The following TRAPPC9 variants were observed in gnomAD, a reference collection of about 807,000 sequenced individuals.
The protein encoded by TRAPPC9 is trafficking protein particle complex subunit 9.
TRAPPC9 carries 83 observed loss-of-function variants against 124.0 expected under a neutral mutation model. The ratio of observed to expected loss-of-function variants is 0.67; its 90% CI spans 0.56 to 0.80. The LOEUF (loss-of-function observed/expected upper bound fraction) is 0.80. Ranked by LOEUF, TRAPPC9 falls within the 30% of genes least tolerant of loss-of-function variation. TRAPPC9 has a pLI of 0.00. For synonymous variants in TRAPPC9, 638 were observed against 617.5 expected (o/e 1.03, Z -0.49); for missense variants, 1,302 against 1,508.3 (o/e 0.86, Z 2.27).
In TRAPPC9 at chr8:140,216,854, G is replaced by A. The variant is rs1162090069; in HGVS notation, c.2556+4605C>T. On this transcript the variant is annotated intron_variant, in intron 17 of 22. Coordinates refer to ENST00000438773, the MANE Select transcript of TRAPPC9 (RefSeq NM_001160372.4). The surrounding 1 kb of genome is among the most constrained non-coding windows in gnomAD (Gnocchi z 4.1). The stretch of plus-strand genomic sequence containing the variant: ...GCAGCCATAGCAACGAGGATCACCT[G>A]TATTCTAACCACTTTTTCTTGTTTT... Among the ~76,000 whole-genome samples the A allele has an allele frequency of 6.6e-6, 1 of 152,180 alleles. No homozygotes were observed. Among genetic ancestry groups the A allele is most frequent in the Admixed American group, 6.5e-5 (1 of 15,280 alleles).
intron 4 of TRAPPC9, 90 bp downstream of exon 4, chr8:140,435,022 T>A: frequency 6.3e-7 from 1 of 1,582,490 alleles, no homozygotes; most frequent in Non-Finnish European, 8.6e-7. Context: ...ATTTAAATAT[T>A]AGTCCTAACT....
chr8:139,917,070 G>A (rs542937684), intron 19 of TRAPPC9, among the ~76,000 whole-genome samples: 24 of 152,060 alleles, frequency 1.6e-4, no homozygotes, highest in South Asian at 6.2e-4. Context: ...GCGTGAACAC[G>A]GACGTATGGA....
chr8:139,810,777 T>C (rs773561738), intron 21 of TRAPPC9, among the ~76,000 whole-genome samples: 6 of 152,110 alleles, frequency 3.9e-5, no homozygotes, highest in Non-Finnish European at 8.8e-5. Flanking sequence ...GTGAGATCCA[T>C]GGCATACTCC....
intron 17 of TRAPPC9, among the ~76,000 whole-genome samples, chr8:140,206,174 A>T (rs1313404741): frequency 6.6e-6 from 1 of 152,264 alleles, no homozygotes; most frequent in East Asian, 1.9e-4. Flanking sequence ...AAAGATACAT[A>T]ATAAGCATTC....
intron 9 of TRAPPC9, among the ~76,000 whole-genome samples, chr8:140,351,785 A>G (rs1206729884): frequency 2.0e-5 from 3 of 152,224 alleles, no homozygotes; most frequent in Non-Finnish European, 4.4e-5. Flanking sequence ...CATCACGCTT[A>G]CAGTGGGCTG....
At chr8:140,165,614 G>T in intron 17 of TRAPPC9, among the ~76,000 whole-genome samples, 1 of 130,216 alleles carries the variant, frequency 7.7e-6, no homozygotes, top group Non-Finnish European at 1.6e-5. Flanking sequence ...AAGGGGGCAA[G>T]GAGGGAAGGG....
At chr8:139,978,685 G>A (rs533542969) in intron 19 of TRAPPC9, among the ~76,000 whole-genome samples, 9 of 152,176 alleles carry the variant, frequency 5.9e-5, no homozygotes, top group African/African-American at 1.4e-4. Context: ...AAGCTGTGAC[G>A]TGAAAGACCA....
At chr8:140,224,120 C>T (rs951287037) in intron 16 of TRAPPC9, among the ~76,000 whole-genome samples, 1 of 152,078 alleles carries the variant, frequency 6.6e-6, no homozygotes, top group Non-Finnish European at 1.5e-5. Flanking sequence ...CCCAACTGGC[C>T]CCTCTTCAAG....
intron 19 of TRAPPC9, among the ~76,000 whole-genome samples, chr8:139,920,672 A>G (rs1490485874): frequency 6.6e-6 from 1 of 152,206 alleles, no homozygotes; most frequent in Non-Finnish European, 1.5e-5. Context: ...AGAGAACCAG[A>G]GTGTTTCCTT....
intron 17 of TRAPPC9, among the ~76,000 whole-genome samples, chr8:140,201,073 G>C (rs1388302443): frequency 6.6e-6 from 1 of 152,174 alleles, no homozygotes; most frequent in Non-Finnish European, 1.5e-5. Context: ...CCGGATGCAG[G>C]GCTCACAGAC....
chr8:140,221,459 C>CT lies in TRAPPC9; in HGVS notation c.2555dup (p.Thr853AspfsTer18), dbSNP rs2063335785. On this transcript the variant is annotated frameshift_variant and splice_region_variant, in exon 17 of 23. Coordinates refer to ENST00000438773, the MANE Select transcript of TRAPPC9 (RefSeq NM_001160372.4). LOFTEE classifies it high-confidence loss of function. ...GATGCCGTCTGCCATACCAACTCAC[C>CT]TTCACGTGGCTGTAGTCGCCTGCTT... The CT allele has an allele frequency of 6.2e-7, 1 of 1,614,076 alleles. No homozygotes were observed. The highest frequency in any genetic ancestry group is 8.5e-7 in the Non-Finnish European group (1 of 1,179,952).
At chr8:140,325,895 G>A (rs1027181314) in intron 9 of TRAPPC9, among the ~76,000 whole-genome samples, 2 of 152,144 alleles carry the variant, frequency 1.3e-5, no homozygotes, top group Admixed American at 6.6e-5. Flanking sequence ...CACTGAGGAA[G>A]AGAGACCCCC....
intron 5 of TRAPPC9, among the ~76,000 whole-genome samples, chr8:140,423,371 C>T (rs2070290149): frequency 6.6e-6 from 1 of 152,002 alleles, no homozygotes; most frequent in Non-Finnish European, 1.5e-5. Context: ...ACCCAGGAGG[C>T]GGAGGTTGCA....
At chr8:139,956,198 GT>G (rs1285336380) in intron 19 of TRAPPC9, among the ~76,000 whole-genome samples, 2 of 151,314 alleles carry the variant, frequency 1.3e-5, no homozygotes, top group African/African-American at 4.9e-5. Context: ...GTCTCACACT[GT>G]CGCCTGGGCT....
chr8:140,099,227 T>TGCAGGAGTGCC (rs2060522469), intron 17 of TRAPPC9: 1 of 150,818 alleles, frequency 6.6e-6, no homozygotes, highest in African/African-American at 2.5e-5. Context: ...TCTGCGCAGC[T>TGCAGGAGTGCC]GCAGGAGTGC....
intron 9 of TRAPPC9, among the ~76,000 whole-genome samples, chr8:140,335,290 C>T (rs2067004813): frequency 6.6e-6 from 1 of 152,098 alleles, no homozygotes; most frequent in African/African-American, 2.4e-5. Context: ...TGCACTATTC[C>T]AAGTATAGGT....
At chr8:140,195,261 C>T (rs1041013435) in intron 17 of TRAPPC9, among the ~76,000 whole-genome samples, 9 of 151,094 alleles carry the variant, frequency 6.0e-5, no homozygotes, top group African/African-American at 9.7e-5. Flanking sequence ...AAACACACAA[C>T]GATCCATCAT....
chr8:139,892,262 G>A (rs1047207370), intron 20 of TRAPPC9, among the ~76,000 whole-genome samples: 2 of 152,182 alleles, frequency 1.3e-5, no homozygotes, highest in Non-Finnish European at 2.9e-5. Context: ...TAGTACCCAA[G>A]GGACACCACG....
chr8:139,900,929 T>C (rs1261067930), intron 20 of TRAPPC9, among the ~76,000 whole-genome samples: 1 of 151,902 alleles, frequency 6.6e-6, no homozygotes, highest in Admixed American at 6.6e-5. Flanking sequence ...TGTGAGGTTC[T>C]CTTTGGAACC....
Sources: gnomAD v4.1 joint callset for allele counts (sites outside exome capture counted in the v4.1 genomes callset) on GRCh38, gnomAD v4.1.1 for gene constraint, Gnocchi (gnomAD v3.1) non-coding constraint, MANE v1.5 for transcripts, NCBI Gene and HGNC (gene_info 2026-07-23, HGNC 2026-07-21) for gene names.